The following CDH2 variants were observed in gnomAD, a reference collection of about 807,000 sequenced individuals.
CDH2 encodes cadherin 2.
Under a neutral mutation model 92.0 loss-of-function variants are expected in CDH2, and 17 were observed. The observed-to-expected ratio is 0.18, with a 90% confidence interval of 0.13 to 0.28. The LOEUF (loss-of-function observed/expected upper bound fraction) is 0.28. CDH2 is among the 10% of genes least tolerant of loss of function. The pLI is 1.00. For missense variants in CDH2, 862 were observed against 1,133.1 expected, an observed-to-expected ratio of 0.76 and a Z score of 3.44; for synonymous variants, 419 against 415.9, an observed-to-expected ratio of 1.01 and a Z score of -0.09.
intron 2 of CDH2, among the ~76,000 whole-genome samples, chr18:28,119,518 T>C (rs1160050714): frequency 2.6e-5 from 4 of 152,172 alleles, no homozygotes; most frequent in Non-Finnish European, 5.9e-5. Context: ...TTAGATGTTT[T>C]ATGCATAATT....
At chr18:28,016,980 C>T (rs2144046290) in intron 2 of CDH2, among the ~76,000 whole-genome samples, 1 of 152,174 alleles carries the variant, frequency 6.6e-6, no homozygotes, top group East Asian at 1.9e-4. Context: ...CCCACTTGAT[C>T]ATGGTGGATT....
intron 2 of CDH2, among the ~76,000 whole-genome samples, chr18:28,077,890 C>CAAAAAA (rs71171659): frequency 1.5e-5 from 1 of 67,314 alleles, no homozygotes; most frequent in Non-Finnish European, 2.7e-5. Flanking sequence ...GACCCTGTCT[C>CAAAAAA]AAAAAAAAAA....
chr18:28,114,798 G>A (rs1475836524), intron 2 of CDH2, among the ~76,000 whole-genome samples: 2 of 151,252 alleles, frequency 1.3e-5, no homozygotes, highest in Non-Finnish European at 2.9e-5. Context: ...ATGACCTTAG[G>A]CACACTACAA....
chr18:27,957,179 C>T (rs890302557), intron 15 of CDH2, among the ~76,000 whole-genome samples: 1 of 146,980 alleles, frequency 6.8e-6, no homozygotes, highest in South Asian at 2.2e-4. Flanking sequence ...ATCACTTCGA[C>T]TGCACAGATC....
chr18:28,159,811 C>T (rs1402950767), intron 1 of CDH2, among the ~76,000 whole-genome samples: 2 of 152,142 alleles, frequency 1.3e-5, no homozygotes, highest in African/African-American at 4.8e-5. Context: ...TGTCCTATAC[C>T]ACGCCCAGCT....
intron 1 of CDH2, among the ~76,000 whole-genome samples, chr18:28,164,332 T>A (rs2016347976): frequency 6.6e-6 from 1 of 152,160 alleles, no homozygotes; most frequent in South Asian, 2.1e-4. Context: ...AAATTGGGTA[T>A]ATTTGGGGAG....
chr18:28,098,802 A>G (rs77915313), intron 2 of CDH2, among the ~76,000 whole-genome samples: 109 of 152,236 alleles, frequency 7.2e-4, no homozygotes, highest in African/African-American at 2.6e-3. Flanking sequence ...CTCAGGTGGG[A>G]AAGTGTGTGC....
chr18:27,949,156 C>T (rs1909349994), downstream of CDH2, among the ~76,000 whole-genome samples: 1 of 151,998 alleles, frequency 6.6e-6, no homozygotes, highest in Non-Finnish European at 1.5e-5. Flanking sequence ...GAAGGCGGCC[C>T]TGGCTGGATT....
intron 4 of CDH2, among the ~76,000 whole-genome samples, chr18:28,010,085 C>T (rs574973497): frequency 2.0e-5 from 3 of 152,232 alleles, no homozygotes; most frequent in Non-Finnish European, 1.5e-5. Flanking sequence ...AGACTGGAGG[C>T]AACATTAACA....
intron 6 of CDH2, among the ~76,000 whole-genome samples, chr18:27,935,489 C>T (rs1412368801): frequency 3.9e-5 from 6 of 152,148 alleles, no homozygotes; most frequent in East Asian, 1.9e-4. Context: ...CTACTTCCAA[C>T]GCTGGGGATT....
At chr18:27,965,896 G>A (rs1167577666) in intron 14 of CDH2, among the ~76,000 whole-genome samples, 2 of 149,510 alleles carry the variant, frequency 1.3e-5, no homozygotes, top group East Asian at 4.0e-4. Flanking sequence ...GCTGAGGCAG[G>A]AGAATCGCTT....
At chr18:27,936,385 C>T (rs180989368) in intron 6 of CDH2, among the ~76,000 whole-genome samples, 6 of 152,282 alleles carry the variant, frequency 3.9e-5, no homozygotes, top group Admixed American at 3.3e-4. Context: ...TGGCTGAAAA[C>T]CTTTCTCTTT....
chr18:28,027,786 CT>C (rs1464459902), intron 2 of CDH2, among the ~76,000 whole-genome samples: 1 of 151,462 alleles, frequency 6.6e-6, no homozygotes, highest in African/African-American at 2.4e-5. Context: ...AAAACTCTTT[CT>C]TTTGACAGAA....
At chr18:28,048,353 T>A (rs761294738) in intron 2 of CDH2, among the ~76,000 whole-genome samples, 1 of 152,176 alleles carries the variant, frequency 6.6e-6, no homozygotes, top group African/African-American at 2.4e-5. Flanking sequence ...AGTAAACTTT[T>A]CCATTACAGT....
chr18:28,012,134 C>T (rs1207252620), intron 3 of CDH2, 142 bp from the exon 4 acceptor site: 1 of 637,262 alleles, frequency 1.6e-6, no homozygotes, highest in Non-Finnish European at 2.5e-6. Flanking sequence ...TTTCCCTGGC[C>T]CCCTATTAAA....
chr18:28,129,808 T>C lies in CDH2; in HGVS notation c.172+17865A>G, dbSNP rs143700223. ...CGTACATTTATCTCCAAAAATCAATTAATTAATTAATTAAATTTTAAAAAA... is the reference window on the plus strand; with the variant it reads ...CGTACATTTATCTCCAAAAATCAATCAATTAATTAATTAAATTTTAAAAAA... On this transcript the variant is annotated intron_variant, in intron 2 of 15. Coordinates refer to ENST00000269141, the MANE Select transcript of CDH2 (RefSeq NM_001792.5). Among the ~76,000 whole-genome samples the C allele has an allele frequency of 2.0e-4, 31 of 152,256 alleles. No homozygotes were observed. In the East Asian group the frequency reaches 5.6e-3, roughly 28 times the overall value.
intron 1 of CDH2, among the ~76,000 whole-genome samples, chr18:28,158,409 C>G (rs919230762): frequency 6.6e-6 from 1 of 152,196 alleles, no homozygotes; most frequent in Non-Finnish European, 1.5e-5. Context: ...AGTTTCAACT[C>G]AAGGGTGAAG....
At chr18:28,017,990 A>G (rs1354997994) in intron 2 of CDH2, among the ~76,000 whole-genome samples, 1 of 152,120 alleles carries the variant, frequency 6.6e-6, no homozygotes, top group Non-Finnish European at 1.5e-5. Context: ...TGTTTGCTGA[A>G]GACATGATTG....
chr18:28,030,560 T>A (rs1022954493), intron 2 of CDH2, among the ~76,000 whole-genome samples: 2 of 151,842 alleles, frequency 1.3e-5, no homozygotes, highest in Non-Finnish European at 2.9e-5. Context: ...GGACCATAAA[T>A]GAACCAGTAT....
Sources: gnomAD v4.1 joint callset for allele counts (sites outside exome capture counted in the v4.1 genomes callset) on GRCh38, gnomAD v4.1.1 for gene constraint, MANE v1.5 for transcripts, NCBI Gene and HGNC (gene_info 2026-07-23, HGNC 2026-07-21) for gene names.